The following PRDM5 variants were observed in gnomAD, a reference collection of about 807,000 sequenced individuals.
PRDM5 encodes PR domain zinc finger protein 5.
PRDM5 carries 56 observed loss-of-function variants against 81.2 expected under a neutral mutation model. The ratio of observed to expected loss-of-function variants is 0.69; its 90% CI spans 0.56 to 0.86. PRDM5 has a LOEUF of 0.86. Among genes scored for constraint, PRDM5 ranks in the 40% least tolerant of loss-of-function variants. The pLI, the probability that PRDM5 is intolerant of heterozygous loss-of-function variation, is 0.00. For synonymous variants in PRDM5, 267 were observed against 256.4 expected (o/e 1.04, Z -0.39); for missense variants, 697 against 770.1 (o/e 0.91, Z 1.12).
rs757881113 is a variant in PRDM5, at chr4:120,853,386, G to A, written c.300+32C>T. On this transcript the variant is annotated intron_variant, in intron 3 of 15. Coordinates refer to ENST00000264808, the MANE Select transcript of PRDM5 (RefSeq NM_018699.4). ...ATATTAATTCATCCCCCCTCACAGT[G>A]CATAGTACAAATGAGAAGCAAATAA... 5.6e-6 allele frequency: 9 copies of A among 1,613,218 alleles called. No individual in the cohort carries two copies. The African/African-American group carries it at 9.4e-5, about 17-fold the overall frequency.
chr4:120,812,790 C>G (rs139231756), intron 7 of PRDM5: 1 of 413,548 alleles, frequency 2.4e-6, no homozygotes, highest in Non-Finnish European at 4.7e-6. Context: ...ATAAAACAGG[C>G]CTTTCACTTT....
At chr4:120,814,272 G>A (rs901694262) in intron 7 of PRDM5, among the ~76,000 whole-genome samples, 2 of 152,086 alleles carry the variant, frequency 1.3e-5, no homozygotes, top group Non-Finnish European at 2.9e-5. Context: ...CTAGGCTCAT[G>A]GATAACAGCA....
At chr4:120,710,470 C>T (rs1276714945) in intron 14 of PRDM5, 57 bp from the exon 15 acceptor site, 3 of 1,330,764 alleles carry the variant, frequency 2.3e-6, no homozygotes, top group African/African-American at 1.4e-5. Flanking sequence ...AATGCAGAGT[C>T]CTCCATATTC....
intron 15 of PRDM5, among the ~76,000 whole-genome samples, chr4:120,698,056 A>G (rs1208530964): frequency 6.6e-6 from 1 of 152,144 alleles, no homozygotes; most frequent in East Asian, 1.9e-4. Flanking sequence ...TTTTGTCTCC[A>G]TATTTCCTCA....
chr4:120,725,897 C>A (rs1739329139), intron 14 of PRDM5, among the ~76,000 whole-genome samples: 1 of 152,038 alleles, frequency 6.6e-6, no homozygotes, highest in African/African-American at 2.4e-5. Context: ...TCTTCCTATG[C>A]CCTGATCTCT....
In PRDM5 at chr4:120,821,183, C is replaced by T. The variant is rs1755211476; in HGVS notation, c.463G>A (p.Ala155Thr). 6.2e-7 allele frequency: 1 copy of T among 1,614,034 alleles called. No individual in the cohort carries two copies. The highest frequency in any genetic ancestry group is 1.7e-5 in the Admixed American group (1 of 60,002). ...EVENSRRQST[A>T]GRKDRLGCKE... ...AAAGATGCAATACCTTTTCTGCCCG[C>T]TGTTGATTGTCTTCTAGAATTTTCA... is the stretch of plus-strand genomic sequence containing the variant. The change falls in exon 4 of 16, where the codon GCG becomes ACG. Residue 155 changes from alanine to threonine, a missense_variant. Physicochemically the swap from Ala to Thr is moderately conservative, Grantham distance 58 (BLOSUM62 0). Transcript: ENST00000264808.
chr4:120,713,931 G>C (rs905749981), intron 14 of PRDM5, among the ~76,000 whole-genome samples: 3 of 152,098 alleles, frequency 2.0e-5, no homozygotes, highest in African/African-American at 7.2e-5. Flanking sequence ...TGGAAGGAAA[G>C]TACTCTGGTC....
chr4:120,719,071 C>T (rs1419149867), intron 14 of PRDM5, among the ~76,000 whole-genome samples: 1 of 152,184 alleles, frequency 6.6e-6, no homozygotes, highest in Non-Finnish European at 1.5e-5. Flanking sequence ...TTAAACTCCC[C>T]ACTCTGGTCC....
At chr4:120,710,995 G>A (rs1736899256) in intron 14 of PRDM5, among the ~76,000 whole-genome samples, 2 of 152,186 alleles carry the variant, frequency 1.3e-5, no homozygotes, top group South Asian at 4.1e-4. Context: ...AGGCAGTTCA[G>A]TTTCAACATT....
intron 4 of PRDM5, among the ~76,000 whole-genome samples, chr4:120,819,460 T>C (rs1182140588): frequency 1.3e-5 from 2 of 150,370 alleles, no homozygotes; most frequent in Admixed American, 6.7e-5. Context: ...ACATGGCACA[T>C]GTATACATAT....
At chr4:120,853,840 T>C (rs1243919241) in intron 2 of PRDM5, among the ~76,000 whole-genome samples, 1 of 152,194 alleles carries the variant, frequency 6.6e-6, no homozygotes, top group Non-Finnish European at 1.5e-5. Context: ...AGTATATGTA[T>C]TGCAATCACA....
chr4:120,822,290 G>C (rs953496118), intron 3 of PRDM5, among the ~76,000 whole-genome samples: 1 of 152,208 alleles, frequency 6.6e-6, no homozygotes, highest in African/African-American at 2.4e-5. Context: ...TTCCTAGTGA[G>C]GCTGCTGAAT....
intron 3 of PRDM5, among the ~76,000 whole-genome samples, chr4:120,821,901 C>T (rs1755327896): frequency 6.6e-6 from 1 of 151,638 alleles, no homozygotes; most frequent in South Asian, 2.1e-4. Context: ...GTGTACCTCA[C>T]CTCTTTGGTC....
At chr4:120,863,156 T>TAAAAAAA (rs66499146) in intron 2 of PRDM5, among the ~76,000 whole-genome samples, 6 of 40,112 alleles carry the variant, frequency 1.5e-4, no homozygotes, top group African/African-American at 7.0e-4. Context: ...AGACTCTGTC[T>TAAAAAAA]AAAAAAAAAA....
chr4:120,809,214 T>G (rs916484495), intron 8 of PRDM5, among the ~76,000 whole-genome samples: 5 of 127,164 alleles, frequency 3.9e-5, no homozygotes, highest in African/African-American at 1.2e-4. Flanking sequence ...GGACACAGGG[T>G]GGGGAACATC....
In PRDM5 at chr4:120,881,229, T is replaced by C. The variant is rs139732655; in HGVS notation, c.177+26245A>G. Among the ~76,000 whole-genome samples, 82 of 152,328 alleles carry C rather than the reference T, an allele frequency of 5.4e-4. No homozygotes were observed. In the East Asian group the frequency reaches 0.013, roughly 23 times the overall value. ...AGATTTTTTTGTCTTTGATTATTTG[T>C]CAAGTATTTATTTCTCAAGAAAATC... is the stretch of plus-strand genomic sequence containing the variant. On this transcript the variant is annotated intron_variant, in intron 2 of 15. Transcript: ENST00000264808.
At chr4:120,885,586 G>C (rs1763346869) in intron 2 of PRDM5, 1 of 152,132 alleles carries the variant, frequency 6.6e-6, no homozygotes, top group Non-Finnish European at 1.5e-5. Context: ...TTGAGGCCAG[G>C]AGTTCAAGAC....
At chr4:120,706,904 A>G (rs1377233599) in intron 15 of PRDM5, among the ~76,000 whole-genome samples, 2 of 151,774 alleles carry the variant, frequency 1.3e-5, no homozygotes, top group East Asian at 3.9e-4. Context: ...TAAAAAGACC[A>G]ATAAAGAGGT....
chr4:120,804,666 C>A (rs1752647722), intron 8 of PRDM5, among the ~76,000 whole-genome samples: 1 of 152,126 alleles, frequency 6.6e-6, no homozygotes, highest in Admixed American at 6.5e-5. Flanking sequence ...AACAAAGACA[C>A]AACATACCAG....
Sources: gnomAD v4.1 joint callset for allele counts (sites outside exome capture counted in the v4.1 genomes callset) on GRCh38, gnomAD v4.1.1 for gene constraint, MANE v1.5 for transcripts, NCBI Gene and HGNC (gene_info 2026-07-23, HGNC 2026-07-21) for gene names.